DCC: variants seen among roughly 807,000 people sequenced by gnomAD.
DCC encodes the protein DCC netrin 1 receptor.
A neutral mutation model predicts 172.5 loss-of-function variants in DCC; 58 were observed. The ratio of observed to expected loss-of-function variants is 0.34; its 90% CI spans 0.27 to 0.42. DCC has a LOEUF of 0.42. DCC is among the 10% of genes least tolerant of loss of function. The probability of loss-of-function intolerance (pLI) is 1.00; values close to 1 mark genes in which losing one functional copy is unlikely to be tolerated. For missense variants in DCC, 1,740 were observed against 1,791.0 expected, an observed-to-expected ratio of 0.97 and a Z score of 0.51; for synonymous variants, 709 against 644.5, an observed-to-expected ratio of 1.10 and a Z score of -1.52.
At chr18:53,436,952 C>T (rs539911894) in intron 22 of DCC, among the ~76,000 whole-genome samples, 1 of 152,236 alleles carries the variant, frequency 6.6e-6, no homozygotes, top group South Asian at 2.1e-4. Context: ...TGAGCAAGCT[C>T]CCTCAGGCTT....
chr18:53,216,680 G>A (rs935531373), intron 12 of DCC, among the ~76,000 whole-genome samples: 3 of 152,090 alleles, frequency 2.0e-5, no homozygotes, highest in African/African-American at 7.2e-5. Flanking sequence ...ATGTTAATTG[G>A]ATTTGTCTCA....
intron 5 of DCC, among the ~76,000 whole-genome samples, chr18:53,027,217 T>A (rs2143943768): frequency 6.6e-6 from 1 of 152,196 alleles, no homozygotes; most frequent in East Asian, 1.9e-4. Context: ...CTACTTTCCT[T>A]GGAGGAGTAG....
chr18:52,802,641 G>T (rs1295145449), intron 2 of DCC, among the ~76,000 whole-genome samples: 3 of 67,452 alleles, frequency 4.4e-5, no homozygotes, highest in East Asian at 9.0e-4. Context: ...ACCACGCCAA[G>T]CCTTTTTTTT....
chr18:52,499,217 A>C lies in DCC; in HGVS notation c.91+158339A>C, dbSNP rs558117450. On this transcript the variant is annotated intron_variant, in intron 1 of 28. Coordinates refer to ENST00000442544, the MANE Select transcript of DCC (RefSeq NM_005215.4). ...TTCAAATGACTGCGTTGAGCTTAGA[A>C]GTTAATGATTGACTGATAGCAATGA... Among the ~76,000 whole-genome samples the C allele has an allele frequency of 2.0e-5, 3 of 152,298 alleles. No individual in the cohort carries two copies. The South Asian group carries it at 6.2e-4, about 32-fold the overall frequency.
intron 2 of DCC, among the ~76,000 whole-genome samples, chr18:52,778,487 A>G (rs1309273968): frequency 6.6e-6 from 1 of 152,158 alleles, no homozygotes; most frequent in African/African-American, 2.4e-5. Flanking sequence ...GAAATAACAT[A>G]AAAATAAAGA....
At position 52,474,206 on chromosome 18, in the gene DCC, T is replaced by TAG. The variant is rs61277582; in HGVS notation, c.91+133364_91+133365dup. Among the ~76,000 whole-genome samples the TAG allele has an allele frequency of 9.4e-3, 951 of 100,702 alleles. 11 individuals carry two copies. Among genetic ancestry groups the TAG allele is most frequent in the African/African-American group, 0.031 (762 of 24,236 alleles). 66.1% of individuals were successfully genotyped at this position (100,702 alleles called of 152,430 possible). On this transcript the variant is annotated intron_variant, in intron 1 of 28. Coordinates refer to ENST00000442544, the MANE Select transcript of DCC (RefSeq NM_005215.4). ...TTTCCATACATAATTGTAACAGACC[T>TAG]AGAGAGAGAGAGAGAGAGAGAGAGA...
At position 52,883,876 on chromosome 18, in the gene DCC, G is replaced by A. The variant is rs147114038; in HGVS notation, c.413-22168G>A. 6.6e-5 allele frequency among the ~76,000 whole-genome samples: 10 copies of A among 151,474 alleles called. No individual in the cohort carries two copies. In the East Asian group the frequency reaches 1.7e-3, roughly 26 times the overall value. On this transcript the variant is annotated intron_variant, in intron 2 of 28. Coordinates refer to ENST00000442544, the MANE Select transcript of DCC (RefSeq NM_005215.4). ...TGAAGAAATTCCTTTAGCATTTCTT[G>A]TAGGACATATCTGGTGTTGATGAAA...
intron 12 of DCC, among the ~76,000 whole-genome samples, chr18:53,303,672 G>T (rs1328528769): frequency 1.3e-5 from 2 of 152,174 alleles, no homozygotes; most frequent in African/African-American, 4.8e-5. Context: ...AGACAGGCAG[G>T]AGCTAGGGTG....
chr18:52,439,027 C>T (rs1418414618), intron 1 of DCC, among the ~76,000 whole-genome samples: 1 of 152,112 alleles, frequency 6.6e-6, no homozygotes, highest in Non-Finnish European at 1.5e-5. Context: ...TCTATACTTA[C>T]TGAGCTCCTG....
chr18:53,439,814 G>A (rs1344678389), intron 22 of DCC, among the ~76,000 whole-genome samples: 1 of 142,158 alleles, frequency 7.0e-6, no homozygotes. Flanking sequence ...GCCCAGGCTG[G>A]AGTGCAGTGG....
intron 1 of DCC, among the ~76,000 whole-genome samples, chr18:52,559,700 T>C (rs1040794411): frequency 1.3e-5 from 2 of 152,006 alleles, no homozygotes; most frequent in Non-Finnish European, 2.9e-5. Context: ...CACAAGTAAT[T>C]TACTCTTAGA....
chr18:53,532,180 C>T lies in DCC; in HGVS notation c.*1527C>T, dbSNP rs2046531233. 6.6e-6 allele frequency: 1 copy of T among 152,100 alleles called. No individual in the cohort carries two copies. The highest frequency in any genetic ancestry group is 6.6e-5 in the Admixed American group (1 of 15,264). The allele number at this position is 152,100 out of a possible 1,614,324, so 9.4% of individuals were successfully genotyped here. ...CCTTTGATTTCAAGCTTGAGTAGGT[C>T]ATAATTTTAAAAGAGCATGGAAGGG... On this transcript the variant is annotated 3_prime_UTR_variant, in exon 29 of 29. Transcript: ENST00000442544.
At chr18:53,258,338 G>T (rs59011296) in intron 12 of DCC, among the ~76,000 whole-genome samples, 2 of 151,620 alleles carry the variant, frequency 1.3e-5, no homozygotes, top group Non-Finnish European at 1.5e-5. Flanking sequence ...TGCTTTCTCT[G>T]GTGGGCATTT....
chr18:52,917,572 G>A (rs2040060822), intron 3 of DCC, among the ~76,000 whole-genome samples: 1 of 152,090 alleles, frequency 6.6e-6, no homozygotes, highest in Admixed American at 6.6e-5. Context: ...GCTAAAGTAG[G>A]TCAATATTTC....
At chr18:53,440,497 C>G (rs1180032475) in intron 22 of DCC, among the ~76,000 whole-genome samples, 1 of 114,492 alleles carries the variant, frequency 8.7e-6, no homozygotes, top group East Asian at 2.2e-4. Flanking sequence ...TTTTGCAAAC[C>G]TGTTTTTTTT....
chr18:52,898,081 C>T (rs746053049), intron 2 of DCC, among the ~76,000 whole-genome samples: 1 of 152,192 alleles, frequency 6.6e-6, no homozygotes, highest in Admixed American at 6.6e-5. Flanking sequence ...AGGGATGTAA[C>T]CTTCAGGCTT....
chr18:53,004,582 A>G (rs1390387550), intron 5 of DCC, among the ~76,000 whole-genome samples: 1 of 152,228 alleles, frequency 6.6e-6, no homozygotes, highest in Non-Finnish European at 1.5e-5. Context: ...TCCCCACACA[A>G]CAATAATACC....
intron 1 of DCC, among the ~76,000 whole-genome samples, chr18:52,713,227 T>C (rs1295696005): frequency 6.6e-6 from 1 of 152,156 alleles, no homozygotes; most frequent in African/African-American, 2.4e-5. Flanking sequence ...CATTATAAAC[T>C]AGCCAAGGGA....
At chr18:53,486,709 G>C in intron 25 of DCC, 88 bp from the exon 26 acceptor site, 1 of 1,565,284 alleles carries the variant, frequency 6.4e-7, no homozygotes, top group Admixed American at 1.7e-5. Context: ...GTATAGATTT[G>C]AGGATCTGAA....
Sources: allele counts gnomAD v4.1 joint callset (sites outside exome capture counted in the v4.1 genomes callset), GRCh38; gene constraint gnomAD v4.1.1; transcripts MANE v1.5; gene names NCBI Gene and HGNC (gene_info 2026-07-23, HGNC 2026-07-21).